The following RANBP2 variants were observed in gnomAD, a reference collection of about 807,000 sequenced individuals.
The protein encoded by RANBP2 is E3 SUMO-protein ligase RanBP2.
Under a neutral mutation model 303.6 loss-of-function variants are expected in RANBP2, and 57 were observed. The ratio of observed to expected loss-of-function variants is 0.19; its 90% confidence interval spans 0.15 to 0.23. The LOEUF (loss-of-function observed/expected upper bound fraction) is 0.23. RANBP2 is among the 10% of genes least tolerant of loss of function. The pLI, the probability that RANBP2 is intolerant of heterozygous loss-of-function variation, is 1.00. For missense variants in RANBP2, 3,138 were observed against 3,780.8 expected, an observed-to-expected ratio of 0.83 and a Z score of 4.46; for synonymous variants, 1,167 against 1,301.5, an observed-to-expected ratio of 0.90 and a Z score of 2.23.
At chr2:108,969,761 C>T in the RANBP2 span, among the ~76,000 whole-genome samples, 1 of 152,158 alleles carries the variant, frequency 6.6e-6, no homozygotes, top group South Asian at 2.1e-4. Context: ...GGGGCTTCAG[C>T]AGCTAGCTGG....
chr2:108,774,052 A>G (rs974194927), intron 23 of RANBP2, among the ~76,000 whole-genome samples: 3 of 152,210 alleles, frequency 2.0e-5, no homozygotes, highest in Non-Finnish European at 4.4e-5. Context: ...ATCATCACCT[A>G]ATGTTTTTAC....
the RANBP2 span, among the ~76,000 whole-genome samples, chr2:109,197,834 C>G: frequency 1.5e-3 from 229 of 152,316 alleles, no homozygotes; most frequent in African/African-American, 5.3e-3. Flanking sequence ...GGGAGGAACT[C>G]CAGGAGAAAG....
the RANBP2 span, among the ~76,000 whole-genome samples, chr2:109,450,985 C>T: frequency 7.9e-5 from 12 of 152,344 alleles, no homozygotes; most frequent in African/African-American, 2.2e-4. Context: ...GCTGACTCGG[C>T]GGGCTCTCTG....
chr2:109,236,854 C>T, the RANBP2 span, among the ~76,000 whole-genome samples: 9 of 152,250 alleles, frequency 5.9e-5, no homozygotes, highest in Middle Eastern at 3.4e-3. Flanking sequence ...GTACAGTCTC[C>T]GGCTGTGAAA....
chr2:109,184,035 T>C, the RANBP2 span, among the ~76,000 whole-genome samples: 351 of 152,288 alleles, frequency 2.3e-3, 1 homozygote, highest in African/African-American at 8.0e-3. Flanking sequence ...GTGTGTTGAG[T>C]GCTAGGTGCT....
chr2:109,335,431 C>T, the RANBP2 span, among the ~76,000 whole-genome samples: 4 of 152,196 alleles, frequency 2.6e-5, no homozygotes, highest in Admixed American at 2.0e-4. Context: ...ACCTCTTCCA[C>T]ACGCCACCTC....
At chr2:109,121,509 G>C in the RANBP2 span, among the ~76,000 whole-genome samples, 4 of 152,112 alleles carry the variant, frequency 2.6e-5, no homozygotes, top group African/African-American at 7.2e-5. Flanking sequence ...ACTTTCCTCT[G>C]TCACCTTCTT....
chr2:109,604,021 G>A, the RANBP2 span, among the ~76,000 whole-genome samples: 1 of 151,780 alleles, frequency 6.6e-6, no homozygotes, highest in Non-Finnish European at 1.5e-5. Context: ...AATTAGCCGG[G>A]CATAGTGGCA....
the RANBP2 span, among the ~76,000 whole-genome samples, chr2:108,830,904 G>A: frequency 6.8e-6 from 1 of 146,400 alleles, no homozygotes; most frequent in Non-Finnish European, 1.5e-5. Flanking sequence ...GCCAGGTGCG[G>A]TGGCTCACGC....
the RANBP2 span, among the ~76,000 whole-genome samples, chr2:108,797,270 G>A: frequency 6.6e-6 from 1 of 152,166 alleles, no homozygotes; most frequent in African/African-American, 2.4e-5. Flanking sequence ...GAGAAGCCAT[G>A]GCCAGAGAGA....
chr2:108,820,815 A>C, the RANBP2 span, among the ~76,000 whole-genome samples: 1 of 152,140 alleles, frequency 6.6e-6, no homozygotes. Context: ...TAACCATTAC[A>C]CCTGCCCTAT....
the RANBP2 span, among the ~76,000 whole-genome samples, chr2:109,187,950 C>T: frequency 3.3e-5 from 5 of 152,132 alleles, no homozygotes; most frequent in Non-Finnish European, 5.9e-5. Flanking sequence ...CAGAGCAGCC[C>T]GTCTTTGGAG....
At chr2:109,546,102 G>A in the RANBP2 span, 1 of 1,609,692 alleles carries the variant, frequency 6.2e-7, no homozygotes, top group Non-Finnish European at 8.5e-7. Flanking sequence ...AGAAAGGACT[G>A]GCTGTGAAAT....
the RANBP2 span, among the ~76,000 whole-genome samples, chr2:109,047,344 C>T: frequency 2.0e-5 from 3 of 152,196 alleles, no homozygotes; most frequent in African/African-American, 4.8e-5. Context: ...GCAGGGGACT[C>T]TTGATGACTC....
chr2:109,392,138 A>G, the RANBP2 span, among the ~76,000 whole-genome samples: 1 of 152,174 alleles, frequency 6.6e-6, no homozygotes, highest in Non-Finnish European at 1.5e-5. Flanking sequence ...ATTTTTAAAG[A>G]CCCACATTTG....
chr2:109,621,390 A>G, the RANBP2 span, among the ~76,000 whole-genome samples: 1 of 151,828 alleles, frequency 6.6e-6, no homozygotes, highest in African/African-American at 2.4e-5. Context: ...TGACCTCGTG[A>G]TCTGCCCACC....
the RANBP2 span, among the ~76,000 whole-genome samples, chr2:109,343,759 C>G: frequency 8.5e-6 from 1 of 117,490 alleles, no homozygotes; most frequent in Non-Finnish European, 1.9e-5. Flanking sequence ...TTTTTTTTTT[C>G]TTAGACACAG....
chr2:108,791,335 T>C, the RANBP2 span, among the ~76,000 whole-genome samples: 3 of 152,200 alleles, frequency 2.0e-5, no homozygotes, highest in African/African-American at 7.2e-5. Context: ...AGGTTTAGTT[T>C]ACTTATGTAT....
chr2:108,725,344 G>A (rs1391767331), intron 1 of RANBP2, among the ~76,000 whole-genome samples: 1 of 152,102 alleles, frequency 6.6e-6, no homozygotes, highest in Non-Finnish European at 1.5e-5. Context: ...AGAATAATTT[G>A]TAAAGTTGTT....
Sources: gnomAD v4.1 joint callset for allele counts (sites outside exome capture counted in the v4.1 genomes callset) on GRCh38, gnomAD v4.1.1 for gene constraint, MANE v1.5 for transcripts, NCBI Gene and HGNC (gene_info 2026-07-23, HGNC 2026-07-21) for gene names.